Variants in IL1RAPL2 observed in about 807,000 individuals in gnomAD.
IL1RAPL2 encodes X-linked interleukin-1 receptor accessory protein-like 2.
IL1RAPL2 carries 3 observed loss-of-function variants against 44.1 expected under a neutral mutation model. The ratio of observed to expected loss-of-function variants is 0.07; its 90% CI spans 0.03 to 0.18. The LOEUF is 0.18. Ranked by LOEUF, IL1RAPL2 falls within the 10% of genes least tolerant of loss-of-function variation. The probability of loss-of-function intolerance (pLI) is 1.00; values close to 1 mark genes in which losing one functional copy is unlikely to be tolerated. For synonymous variants in IL1RAPL2, 181 were observed against 178.8 expected (o/e 1.01, Z -0.10); for missense variants, 391 against 496.4 (o/e 0.79, Z 2.02).
intron 2 of IL1RAPL2, among the ~76,000 whole-genome samples, chrX:105,141,515 T>A (rs961978214): frequency 9.0e-6 from 1 of 111,695 alleles, no homozygotes; most frequent in African/African-American, 3.3e-5. Flanking sequence ...GATCTCATTT[T>A]TGATGCCATG....
intron 2 of IL1RAPL2, among the ~76,000 whole-genome samples, chrX:104,981,149 G>T (rs1306433040): frequency 9.3e-6 from 1 of 108,054 alleles, no homozygotes; most frequent in Non-Finnish European, 1.9e-5. Flanking sequence ...CCAACTTTTA[G>T]GTTCAAGGGG....
At chrX:105,075,668 G>A (rs1439067744) in intron 2 of IL1RAPL2, among the ~76,000 whole-genome samples, 9 of 111,877 alleles carry the variant, frequency 8.0e-5, no homozygotes, top group African/African-American at 2.9e-4. Context: ...AATCCATCTG[G>A]TCCTGGACTT....
chrX:105,283,381 A>C (rs185531082), intron 5 of IL1RAPL2, among the ~76,000 whole-genome samples: 17 of 111,910 alleles, frequency 1.5e-4, no homozygotes, highest in African/African-American at 5.2e-4. Context: ...CTGATGGTTA[A>C]GAAAAAGCCA....
intron 1 of IL1RAPL2, among the ~76,000 whole-genome samples, chrX:104,645,598 C>T (rs1602660032): frequency 8.9e-6 from 1 of 112,275 alleles, no homozygotes; most frequent in South Asian, 3.7e-4. Flanking sequence ...TTGATTTCTT[C>T]TCTCTTTCCT....
intron 2 of IL1RAPL2, among the ~76,000 whole-genome samples, chrX:105,168,744 C>CT (rs1184127937): frequency 7.9e-4 from 82 of 104,374 alleles, no homozygotes; most frequent in South Asian, 7.3e-3. Context: ...CTTACTCTGA[C>CT]TTTTTTTTTT....
chrX:105,362,528 C>T (rs953771723), intron 5 of IL1RAPL2, among the ~76,000 whole-genome samples: 4 of 110,540 alleles, frequency 3.6e-5, no homozygotes, highest in Non-Finnish European at 7.6e-5. Flanking sequence ...ACGCCCGCCC[C>T]CCAAAGACTA....
At chrX:105,637,703 GAGAATAACCAT>G (rs1652516610) in intron 6 of IL1RAPL2, among the ~76,000 whole-genome samples, 1 of 109,389 alleles carries the variant, frequency 9.1e-6, no homozygotes, top group African/African-American at 3.3e-5. Context: ...CTTAGCAAAT[GAGAATAACCAT>G]ACATTGAAGC....
chrX:105,570,222 C>A (rs1295944640), intron 6 of IL1RAPL2, among the ~76,000 whole-genome samples: 1 of 111,571 alleles, frequency 9.0e-6, no homozygotes, highest in Admixed American at 9.5e-5. Flanking sequence ...ACAATGTTTG[C>A]TTTTCCATTC....
At chrX:105,355,864 C>T (rs1022244308) in intron 5 of IL1RAPL2, among the ~76,000 whole-genome samples, 18 of 110,144 alleles carry the variant, frequency 1.6e-4, no homozygotes, top group African/African-American at 5.3e-4. Flanking sequence ...TACAGGGTCG[C>T]GGGTAAGAAT....
At chrX:105,226,385 C>CTTTTTTTTTTTT (rs35192051) in intron 3 of IL1RAPL2, among the ~76,000 whole-genome samples, 28 of 53,330 alleles carry the variant, frequency 5.3e-4, no homozygotes, top group African/African-American at 2.4e-3. Flanking sequence ...TTTCTTTTCC[C>CTTTTTTTTTTTT]TTTTTTTTTT....
At chrX:105,141,863 T>A (rs192873761) in intron 2 of IL1RAPL2, among the ~76,000 whole-genome samples, 1 of 112,133 alleles carries the variant, frequency 8.9e-6, no homozygotes, top group African/African-American at 3.2e-5. Context: ...TAAAAGAATA[T>A]TTTTTCAATT....
intron 2 of IL1RAPL2, among the ~76,000 whole-genome samples, chrX:105,068,738 A>G (rs2032169014): frequency 1.8e-5 from 2 of 111,889 alleles, no homozygotes; most frequent in African/African-American, 6.5e-5. Context: ...GTTGACATCC[A>G]ATTATACCAA....
At position 104,691,551 on chromosome X, in the gene IL1RAPL2, C is replaced by T. The variant is rs190541977; in HGVS notation, c.82+32556C>T. 4.1e-3 allele frequency among the ~76,000 whole-genome samples: 458 copies of T among 112,182 alleles called. 3 individuals carry two copies. Among genetic ancestry groups the T allele is most frequent in the Non-Finnish European group, 6.2e-3 (329 of 53,216 alleles). Reference sequence around the variant, plus strand: ...ATTTACAAATTTTAATGACATTTCTCTCCATTAAGTTTTGACCTTAATAAG... The same window carrying T: ...ATTTACAAATTTTAATGACATTTCTTTCCATTAAGTTTTGACCTTAATAAG... On this transcript the variant is annotated intron_variant, in intron 2 of 10. Transcript: ENST00000372582.
intron 6 of IL1RAPL2, among the ~76,000 whole-genome samples, chrX:105,505,922 G>A (rs2036427894): frequency 9.0e-6 from 1 of 111,623 alleles, no homozygotes; most frequent in Non-Finnish European, 1.9e-5. Flanking sequence ...TTCAGTCTAA[G>A]GTATTGGTGG....
chrX:105,565,203 C>A (rs1272829060), intron 6 of IL1RAPL2, among the ~76,000 whole-genome samples: 1 of 111,119 alleles, frequency 9.0e-6, no homozygotes, highest in Non-Finnish European at 1.9e-5. Flanking sequence ...AAAATGTAGT[C>A]TTTTTTTTAG....
chrX:104,658,114 TGG>T (rs1930307733), intron 1 of IL1RAPL2, among the ~76,000 whole-genome samples: 1 of 112,190 alleles, frequency 8.9e-6, no homozygotes, highest in South Asian at 3.7e-4. Context: ...ATCCCATTAC[TGG>T]GTATATAACC....
At chrX:105,757,547 G>A (rs1056968573) in intron 10 of IL1RAPL2, among the ~76,000 whole-genome samples, 32 of 111,487 alleles carry the variant, frequency 2.9e-4, no homozygotes, top group South Asian at 3.7e-4. Flanking sequence ...GAAAAATGTC[G>A]TCAGGATGGG....
intron 2 of IL1RAPL2, among the ~76,000 whole-genome samples, chrX:104,857,884 A>T (rs1672940120): frequency 9.0e-6 from 1 of 111,456 alleles, no homozygotes; most frequent in Non-Finnish European, 1.9e-5. Flanking sequence ...AGATTCATAC[A>T]TACTAAAAAA....
chrX:104,976,442 GT>G (rs2030336534), intron 2 of IL1RAPL2, among the ~76,000 whole-genome samples: 1 of 111,898 alleles, frequency 8.9e-6, no homozygotes, highest in African/African-American at 3.3e-5. Context: ...ACAAAAAAGG[GT>G]TTTTATTAAG....
Sources: allele counts gnomAD v4.1 joint callset (sites outside exome capture counted in the v4.1 genomes callset), GRCh38; gene constraint gnomAD v4.1.1; transcripts MANE v1.5; gene names NCBI Gene and HGNC (gene_info 2026-07-23, HGNC 2026-07-21).